GPATCH2L: variants seen among roughly 807,000 people sequenced by gnomAD.
The protein encoded by GPATCH2L is G patch domain-containing protein 2-like.
In GPATCH2L, 31 loss-of-function variants were observed where a neutral mutation model predicts 57.4. The observed-to-expected ratio is 0.54, with a 90% CI of 0.41 to 0.73. GPATCH2L has a LOEUF of 0.73. Ranked by LOEUF, GPATCH2L falls within the 30% of genes least tolerant of loss-of-function variation. The probability of loss-of-function intolerance (pLI) is 0.00; values close to 1 mark genes in which losing one functional copy is unlikely to be tolerated. For synonymous variants in GPATCH2L, 199 were observed against 210.7 expected (o/e 0.94, Z 0.48); for missense variants, 481 against 599.9 (o/e 0.80, Z 2.07).
At chr14:76,156,672 T>C (rs1462109437) in intron 2 of GPATCH2L, among the ~76,000 whole-genome samples, 2 of 152,228 alleles carry the variant, frequency 1.3e-5, no homozygotes, top group Non-Finnish European at 2.9e-5. Flanking sequence ...ATAGAAGTCT[T>C]CTTAGTATTG....
At chr14:76,187,978 T>C (rs930647033) in intron 8 of GPATCH2L, among the ~76,000 whole-genome samples, 3 of 152,194 alleles carry the variant, frequency 2.0e-5, no homozygotes, top group Admixed American at 6.5e-5. Flanking sequence ...TTTTTGTCTT[T>C]CTGTGCCTGG....
intron 8 of GPATCH2L, among the ~76,000 whole-genome samples, chr14:76,192,979 G>C (rs1454735456): frequency 6.6e-6 from 1 of 151,916 alleles, no homozygotes; most frequent in East Asian, 1.9e-4. Context: ...AGCAGTCAAG[G>C]GTCACTTAAT....
chr14:76,176,313 C>T (rs763240181), intron 5 of GPATCH2L: 30 of 237,526 alleles, frequency 1.3e-4, no homozygotes, highest in Non-Finnish European at 2.2e-4. Flanking sequence ...AGGATTTTTA[C>T]TCCTATATAC....
At chr14:76,219,331 T>C (rs922474580), downstream of GPATCH2L, among the ~76,000 whole-genome samples, 2 of 152,114 alleles carry the variant, frequency 1.3e-5, no homozygotes, top group African/African-American at 2.4e-5. Context: ...AAAATACAAA[T>C]GACTTTGAAG....
chr14:76,232,061 G>A (rs988363190), intron 2 of GPATCH2L, among the ~76,000 whole-genome samples: 17 of 109,574 alleles, frequency 1.6e-4, no homozygotes, highest in Non-Finnish European at 2.6e-4. Flanking sequence ...ATAGGTGTGC[G>A]CCACCACGCC....
chr14:76,195,029 T>TA (rs1403723444), intron 8 of GPATCH2L, among the ~76,000 whole-genome samples: 1 of 152,170 alleles, frequency 6.6e-6, no homozygotes, highest in African/African-American at 2.4e-5. Context: ...GCACACCAGT[T>TA]AAACATTGCT....
At chr14:76,217,243 A>G (rs1273901228), downstream of GPATCH2L, among the ~76,000 whole-genome samples, 1 of 152,200 alleles carries the variant, frequency 6.6e-6, no homozygotes, top group Admixed American at 6.5e-5. Flanking sequence ...TAAAGTGTTC[A>G]ATAACAAAAG....
rs757695553 is a variant in GPATCH2L at position 76,173,566 on chromosome 14, C to T, written c.925C>T (p.Arg309Cys). ...TTTAGGGTACCATACTCGCTTGAAT[C>T]GTCTACCTGGAGCTGCAGCTCGATG... ...AQRGYHTRLN[R>C]LPGAAARCLR... The change falls in exon 5 of 10, where the codon CGT (arginine) becomes TGT (cysteine). Residue 309 changes from arginine (R) to cysteine (C), a missense_variant. Transcript: ENST00000261530. The T allele has an allele frequency of 4.3e-6, 7 of 1,612,158 alleles. No individual in the cohort carries two copies. Among genetic ancestry groups the T allele is most frequent in the South Asian group, 3.3e-5 (3 of 90,944 alleles).
At chr14:76,222,923 T>G (rs1595013616) in intron 1 of GPATCH2L, among the ~76,000 whole-genome samples, 1 of 143,808 alleles carries the variant, frequency 7.0e-6, no homozygotes, top group East Asian at 2.0e-4. Context: ...ACCACTGCAC[T>G]CCAGCCTGGG....
intron 1 of GPATCH2L, 133 bp downstream of exon 1, chr14:76,152,124 TG>T (rs1219920245): frequency 2.0e-5 from 3 of 152,454 alleles, no homozygotes; most frequent in Non-Finnish European, 2.9e-5. Context: ...GTGAGGGTGG[TG>T]GGGCCTTGCT....
chr14:76,163,977 C>T (rs562280038), intron 2 of GPATCH2L, among the ~76,000 whole-genome samples: 5 of 152,118 alleles, frequency 3.3e-5, no homozygotes, highest in South Asian at 2.1e-4. Context: ...CTTTCTGCCC[C>T]GGTTAGGCAA....
chr14:76,155,050 A>G (rs370023660), intron 2 of GPATCH2L, 25 bp downstream of exon 2: 1,106 of 1,577,792 alleles, frequency 7.0e-4, no homozygotes, highest in Non-Finnish European at 8.9e-4. Flanking sequence ...ACTAAGTCAA[A>G]GATTTTCCTG....
chr14:76,221,043 T>TAAAAAAAAAAAAAAA (rs112035944), intron 1 of GPATCH2L, among the ~76,000 whole-genome samples: 1 of 140,570 alleles, frequency 7.1e-6, no homozygotes. Flanking sequence ...AAGACTGATT[T>TAAAAAAAAAAAAAAA]AAAAAAAAAA....
chr14:76,196,268 G>C (rs2040147473), intron 9 of GPATCH2L: 1 of 609,140 alleles, frequency 1.6e-6, no homozygotes, highest in Admixed American at 2.9e-5. Context: ...CCATGTTAAT[G>C]AAAGTCCAGG....
chr14:76,225,285 A>C (rs1367222912), intron 1 of GPATCH2L, among the ~76,000 whole-genome samples: 1 of 152,138 alleles, frequency 6.6e-6, no homozygotes, highest in African/African-American at 2.4e-5. Flanking sequence ...AGTGAAACAG[A>C]ACAGAGTCTA....
downstream of GPATCH2L, among the ~76,000 whole-genome samples, chr14:76,217,402 C>G (rs550967271): frequency 6.6e-6 from 1 of 152,164 alleles, no homozygotes; most frequent in East Asian, 1.9e-4. Context: ...TGGGGCACCT[C>G]TGCTCTAAGT....
Position 76,203,542 on chromosome 14 carries a change from G to A in GPATCH2L, c.*1691G>A, listed in dbSNP as rs1366683833. On this transcript the variant is annotated 3_prime_UTR_variant, in exon 10 of 10. Transcript: ENST00000261530. ...AGTTGCCTCTGGTTCTCATGCAGCA[G>A]TGTGTGTGCTTACAGGAGTGGAGAT... 6.6e-6 allele frequency: 1 copy of A among 152,634 alleles called. No homozygotes were observed. The highest frequency in any genetic ancestry group is 2.4e-5 in the African/African-American group (1 of 41,424). 9.5% of individuals were successfully genotyped at this position (152,634 alleles called of 1,614,324 possible).
chr14:76,154,140 G>A lies in GPATCH2L; in HGVS notation c.-10-214G>A. ...TGTTGACTTCAGGCATTTAACAAGGGACAAAACATCTATTTTTAGTGACTT... is the reference window on the plus strand; with the variant it reads ...TGTTGACTTCAGGCATTTAACAAGGAACAAAACATCTATTTTTAGTGACTT... On this transcript the variant is annotated intron_variant, in intron 1 of 9. Transcript: ENST00000261530. This position sits in a 1 kb window ranked among gnomAD's most constrained non-coding sequence, Gnocchi z 4.4. 1 of 459,636 alleles carries A rather than the reference G, an allele frequency of 2.2e-6. No homozygotes were observed. The highest frequency in any genetic ancestry group is 4.0e-5 in the South Asian group (1 of 24,812). 28.5% of individuals were successfully genotyped at this position (459,636 alleles called of 1,614,324 possible). A position where few individuals can be genotyped will look rare whatever the true frequency, so the allele number is the denominator to read the frequency against.
At position 76,204,142 on chromosome 14, in the gene GPATCH2L, A is replaced by C. The variant is rs1477083355; in HGVS notation, c.*2291A>C. Reference sequence around the variant, plus strand: ...ATCACATAACTAAGCCAGGACTAGAATCCCAGACTTTCAGATTTTCTCTGC... The same window carrying C: ...ATCACATAACTAAGCCAGGACTAGACTCCCAGACTTTCAGATTTTCTCTGC... On this transcript the variant is annotated 3_prime_UTR_variant, in exon 10 of 10. Coordinates refer to ENST00000261530, the MANE Select transcript of GPATCH2L (RefSeq NM_017926.4). The C allele has an allele frequency of 2.6e-5, 4 of 152,216 alleles. No homozygotes were observed. The highest frequency in any genetic ancestry group is 4.4e-5 in the Non-Finnish European group (3 of 68,036). 9.4% of individuals were successfully genotyped at this position (152,216 alleles called of 1,614,324 possible). A position where few individuals can be genotyped will look rare whatever the true frequency, so the allele number is the denominator to read the frequency against.
Sources: gnomAD v4.1 joint callset for allele counts (sites outside exome capture counted in the v4.1 genomes callset) on GRCh38, gnomAD v4.1.1 for gene constraint, Gnocchi (gnomAD v3.1) non-coding constraint, MANE v1.5 for transcripts, NCBI Gene and HGNC (gene_info 2026-07-23, HGNC 2026-07-21) for gene names.